Variants in NRIP1 observed in about 807,000 individuals in gnomAD.
NRIP1 encodes the protein nuclear receptor-interacting protein 1.
Under a neutral mutation model 75.0 loss-of-function variants are expected in NRIP1, and 28 were observed. The ratio of observed to expected loss-of-function variants is 0.37; its 90% CI spans 0.28 to 0.51. The LOEUF is 0.51. Among genes scored for constraint, NRIP1 ranks in the 20% least tolerant of loss-of-function variants. The probability of loss-of-function intolerance (pLI) is 0.92; values close to 1 mark genes in which losing one functional copy is unlikely to be tolerated. For missense variants in NRIP1, 1,435 were observed against 1,343.7 expected, an observed-to-expected ratio of 1.07 and a Z score of -1.06; for synonymous variants, 526 against 487.6, an observed-to-expected ratio of 1.08 and a Z score of -1.04.
intron 1 of NRIP1, among the ~76,000 whole-genome samples, chr21:15,044,527 A>C (rs2089029333): frequency 6.6e-6 from 1 of 152,112 alleles, no homozygotes; most frequent in South Asian, 2.1e-4. Context: ...CCCTGATACC[A>C]CCATAGCAGC....
At chr21:15,047,693 T>C (rs983951187) in intron 1 of NRIP1, among the ~76,000 whole-genome samples, 6 of 152,158 alleles carry the variant, frequency 3.9e-5, no homozygotes, top group Admixed American at 1.3e-4. Flanking sequence ...GGAACTACAA[T>C]TCAAGATGAG....
At chr21:14,979,616 T>A (rs2087173510) in intron 3 of NRIP1, among the ~76,000 whole-genome samples, 1 of 152,216 alleles carries the variant, frequency 6.6e-6, no homozygotes, top group Admixed American at 6.5e-5. Context: ...TTCATGCACT[T>A]CTTATTATAA....
At chr21:14,974,921 A>G (rs9978369) in intron 3 of NRIP1, among the ~76,000 whole-genome samples, 14,705 of 151,962 alleles carry the variant, frequency 0.097, 2,248 homozygotes, top group African/African-American at 0.32. Flanking sequence ...CAGCCTGGGC[A>G]ACATGGCGAG....
chr21:15,065,571 C>T (rs567942126), upstream of NRIP1, among the ~76,000 whole-genome samples: 1 of 152,042 alleles, frequency 6.6e-6, no homozygotes, highest in Non-Finnish European at 1.5e-5. Flanking sequence ...CACCCACCCA[C>T]CCCCAATTTC....
chr21:15,027,639 C>T (rs906009542), intron 2 of NRIP1, among the ~76,000 whole-genome samples: 2 of 152,166 alleles, frequency 1.3e-5, no homozygotes, highest in African/African-American at 4.8e-5. Context: ...AACATAAATG[C>T]TTGCTTACTT....
At chr21:15,030,804 C>T (rs1456102002) in intron 2 of NRIP1, among the ~76,000 whole-genome samples, 2 of 152,250 alleles carry the variant, frequency 1.3e-5, no homozygotes, top group Non-Finnish European at 1.5e-5. Context: ...AAATAGATCA[C>T]GACATTCCCT....
rs749215153 is a variant in NRIP1 at position 14,964,860 on chromosome 21, A to G, written c.3333T>C (p.Thr1111=). The stretch of plus-strand genomic sequence containing the variant: ...TAAAGAAAGAAGCTTTCGTTTCTGC[A>G]GTAGGAAGTAACTCTTCTTTGGCTG... ...QVTAKEELLP[T]AETKASFFNL... is the part of the protein sequence containing the mutation. The change falls in exon 4 of 4, where the codon ACT becomes ACC. Residue 1111 remains threonine (T), a synonymous_variant. Coordinates refer to ENST00000318948, the MANE Select transcript of NRIP1 (RefSeq NM_003489.4). 6.2e-7 allele frequency: 1 copy of G among 1,613,436 alleles called. No homozygotes were observed. The highest frequency in any genetic ancestry group is 1.1e-5 in the South Asian group (1 of 90,986).
intron 1 of NRIP1, among the ~76,000 whole-genome samples, chr21:15,055,460 T>C (rs1244170760): frequency 6.6e-6 from 1 of 152,252 alleles, no homozygotes; most frequent in Non-Finnish European, 1.5e-5. Context: ...AAATTACATT[T>C]CAAGTACTAG....
intron 3 of NRIP1, chr21:15,002,456 C>G (rs897828925): frequency 6.6e-6 from 1 of 152,076 alleles, no homozygotes; most frequent in Non-Finnish European, 1.5e-5. Context: ...AACACATGCA[C>G]AGCATGGTCA....
rs1472593226 is a variant in NRIP1, at chr21:15,064,732, G to C, written c.-538+13C>G. Reference sequence around the variant, plus strand: ...CCGCTACTCCTGGCGCCCTGGCCGCGGCCGTCACTCACCCCAGGCCGCCGC... The same window carrying C: ...CCGCTACTCCTGGCGCCCTGGCCGCCGCCGTCACTCACCCCAGGCCGCCGC... On this transcript the variant is annotated intron_variant, in intron 1 of 3. Coordinates refer to ENST00000318948, the MANE Select transcript of NRIP1 (RefSeq NM_003489.4). 6.7e-6 allele frequency: 1 copy of C among 149,504 alleles called. No homozygotes were observed. Among genetic ancestry groups the C allele is most frequent in the Non-Finnish European group, 1.5e-5 (1 of 67,054 alleles). The allele number at this position is 149,504 out of a possible 1,614,324, so 9.3% of individuals were successfully genotyped here. A position where few individuals can be genotyped will look rare whatever the true frequency, so the allele number is the denominator to read the frequency against.
At chr21:15,061,907 C>A (rs2089431204) in intron 1 of NRIP1, among the ~76,000 whole-genome samples, 1 of 152,190 alleles carries the variant, frequency 6.6e-6, no homozygotes, top group African/African-American at 2.4e-5. Flanking sequence ...TCAAGGATGG[C>A]ATATCTCCTT....
At chr21:15,022,381 T>C (rs1233207920) in intron 2 of NRIP1, among the ~76,000 whole-genome samples, 1 of 152,012 alleles carries the variant, frequency 6.6e-6, no homozygotes, top group Non-Finnish European at 1.5e-5. Context: ...ACTGGGCCTG[T>C]TGGGTGGGAG....
At chr21:15,044,101 G>C (rs1261391237) in intron 1 of NRIP1, among the ~76,000 whole-genome samples, 5 of 152,092 alleles carry the variant, frequency 3.3e-5, no homozygotes, top group Admixed American at 3.3e-4. Context: ...TTACAGGCGT[G>C]AGCCAGCACA....
Position 14,967,537 on chromosome 21 carries a change from G to C in NRIP1, c.656C>G (p.Pro219Arg), listed in dbSNP as rs147802694. The C allele has an allele frequency of 1.1e-5, 17 of 1,613,998 alleles. No homozygotes were observed. Among genetic ancestry groups the C allele is most frequent in the Non-Finnish European group, 1.3e-5 (15 of 1,180,022 alleles). Residue 219 changes from proline (P) to arginine (R), a missense_variant, in exon 4 of 4, where the codon CCT becomes CGT. Transcript: ENST00000318948. ...NLIRDRFAES[P>R]HHVGQSGTKV... ...TGTTCCACTTTGTCCAACATGATGAGGAGACTCTGCAAACCTATCTCTGAT... is the reference window on the plus strand; with the variant it reads ...TGTTCCACTTTGTCCAACATGATGACGAGACTCTGCAAACCTATCTCTGAT...
At chr21:15,052,690 A>G (rs1226197535) in intron 1 of NRIP1, among the ~76,000 whole-genome samples, 3 of 152,338 alleles carry the variant, frequency 2.0e-5, no homozygotes, top group South Asian at 4.1e-4. Context: ...ACCTATATGC[A>G]TATGAATTGC....
At chr21:15,029,557 A>T (rs192461478) in intron 2 of NRIP1, among the ~76,000 whole-genome samples, 19 of 152,282 alleles carry the variant, frequency 1.2e-4, no homozygotes, top group Non-Finnish European at 2.1e-4. Context: ...CTATCTCACC[A>T]ATAAAATGTA....
At chr21:15,062,516 A>G (rs917448860) in intron 1 of NRIP1, among the ~76,000 whole-genome samples, 3 of 152,336 alleles carry the variant, frequency 2.0e-5, no homozygotes, top group Non-Finnish European at 4.4e-5. Context: ...CCGTTTTAAA[A>G]TCTTCTGAAT....
At chr21:15,011,113 AGT>A (rs1330375672) in intron 3 of NRIP1, among the ~76,000 whole-genome samples, 2 of 152,218 alleles carry the variant, frequency 1.3e-5, no homozygotes, top group Non-Finnish European at 2.9e-5. Flanking sequence ...GACTTTGAGG[AGT>A]GTTTTATGAA....
At chr21:15,008,073 C>T (rs1422025980) in intron 3 of NRIP1, among the ~76,000 whole-genome samples, 1 of 152,110 alleles carries the variant, frequency 6.6e-6, no homozygotes, top group African/African-American at 2.4e-5. Context: ...ATTTGAAGAG[C>T]GTCGTCAGAT....
Sources: allele counts gnomAD v4.1 joint callset (sites outside exome capture counted in the v4.1 genomes callset), GRCh38; gene constraint gnomAD v4.1.1; transcripts MANE v1.5; gene names NCBI Gene and HGNC (gene_info 2026-07-23, HGNC 2026-07-21).